HIPK2: variants seen among roughly 807,000 people sequenced by gnomAD.
HIPK2 encodes the protein homeodomain interacting protein kinase 2, also known as homeodomain-interacting protein kinase 2.
Under a neutral mutation model 113.7 loss-of-function variants are expected in HIPK2, and 27 were observed. The observed-to-expected ratio is 0.24, with a 90% CI of 0.17 to 0.33. The LOEUF (loss-of-function observed/expected upper bound fraction) is 0.33, where lower values mean the gene tolerates loss of function less well. Among genes scored for constraint, HIPK2 ranks in the 10% least tolerant of loss-of-function variants. The pLI is 1.00. For missense variants in HIPK2, 1,257 were observed against 1,588.0 expected (o/e 0.79, Z 3.54); for synonymous variants, 631 against 642.2 (o/e 0.98, Z 0.26).
At chr7:139,692,918 C>T (rs1794450547) in intron 2 of HIPK2, among the ~76,000 whole-genome samples, 1 of 152,224 alleles carries the variant, frequency 6.6e-6, no homozygotes, top group Non-Finnish European at 1.5e-5. Flanking sequence ...CGTTTGGTTC[C>T]TATGCCAATA....
At chr7:139,743,845 C>T (rs991834251) in intron 1 of HIPK2, among the ~76,000 whole-genome samples, 2 of 152,148 alleles carry the variant, frequency 1.3e-5, no homozygotes, top group Non-Finnish European at 2.9e-5. Context: ...CTGCGAGAGA[C>T]CTGGAATGAG....
At chr7:139,620,889 C>G (rs919674593) in intron 6 of HIPK2, among the ~76,000 whole-genome samples, 1 of 152,220 alleles carries the variant, frequency 6.6e-6, no homozygotes, top group African/African-American at 2.4e-5. Flanking sequence ...ATTCTCAACT[C>G]TCAGCCTGGT....
chr7:139,680,385 C>G (rs766745267), intron 2 of HIPK2, among the ~76,000 whole-genome samples: 2 of 152,214 alleles, frequency 1.3e-5, no homozygotes, highest in Non-Finnish European at 2.9e-5. Context: ...GGGTGAACAA[C>G]CCAGACAAGC....
In HIPK2 at chr7:139,567,910, A is replaced by G. The variant is rs7801135; in HGVS notation, c.*5017T>C. The G allele has an allele frequency of 0.19, 28,623 of 152,332 alleles. 4,617 individuals carry two copies. The highest frequency in any genetic ancestry group is 0.44 in the African/African-American group (18,064 of 41,496). 9.4% of individuals were successfully genotyped at this position (152,332 alleles called of 1,614,324 possible). ...GCATCAGACAAAGAGAACCTGGGAC[A>G]AAAGCTGGGGCGAGCTGGGTCCCCA... On this transcript the variant is annotated 3_prime_UTR_variant, in exon 15 of 15. Transcript: ENST00000406875.
chr7:139,585,999 G>A (rs1398391741), intron 12 of HIPK2, among the ~76,000 whole-genome samples: 1 of 152,120 alleles, frequency 6.6e-6, no homozygotes, highest in Non-Finnish European at 1.5e-5. Flanking sequence ...GTGGAGGACT[G>A]TATAACAACA....
intron 1 of HIPK2, among the ~76,000 whole-genome samples, chr7:139,729,397 T>G (rs1235712672): frequency 7.4e-6 from 1 of 135,908 alleles, no homozygotes; most frequent in Non-Finnish European, 1.5e-5. Flanking sequence ...TGGGAGTGGC[T>G]TATTAATAAC....
chr7:139,773,956 C>T (rs1352151212), intron 1 of HIPK2, among the ~76,000 whole-genome samples: 1 of 152,174 alleles, frequency 6.6e-6, no homozygotes, highest in African/African-American at 2.4e-5. Flanking sequence ...TCAAGTAGCA[C>T]AGAAAGTGCC....
At chr7:139,723,446 G>A (rs952030013) in intron 1 of HIPK2, among the ~76,000 whole-genome samples, 2 of 152,002 alleles carry the variant, frequency 1.3e-5, no homozygotes, top group Non-Finnish European at 2.9e-5. Context: ...CACCTGCCTC[G>A]GCTTCCCAAA....
intron 1 of HIPK2, among the ~76,000 whole-genome samples, chr7:139,758,678 G>A (rs572710912): frequency 1.3e-5 from 2 of 152,220 alleles, no homozygotes; most frequent in African/African-American, 4.8e-5. Flanking sequence ...CAGATTGTGC[G>A]CTCATTATGA....
chr7:139,583,672 G>C, intron 13 of HIPK2, 145 bp downstream of exon 13: 3 of 1,245,586 alleles, frequency 2.4e-6, no homozygotes, highest in African/African-American at 1.5e-5. Flanking sequence ...CTGGATACTT[G>C]AATAAAATCC....
chr7:139,618,316 A>G (rs1390893388), intron 7 of HIPK2, among the ~76,000 whole-genome samples: 1 of 151,806 alleles, frequency 6.6e-6, no homozygotes, highest in African/African-American at 2.4e-5. Context: ...GCTTAAGGCT[A>G]GGTGTGTCCT....
intron 12 of HIPK2, among the ~76,000 whole-genome samples, chr7:139,587,067 C>G (rs541673314): frequency 3.2e-4 from 49 of 152,200 alleles, no homozygotes; most frequent in African/African-American, 1.1e-3. Context: ...TGAATTTACA[C>G]TTAAAAATGG....
chr7:139,741,613 A>G (rs1192752426), intron 1 of HIPK2, among the ~76,000 whole-genome samples: 2 of 152,140 alleles, frequency 1.3e-5, no homozygotes, highest in African/African-American at 4.8e-5. Flanking sequence ...CTGTTCCCTC[A>G]GCCCCCATTA....
intron 2 of HIPK2, among the ~76,000 whole-genome samples, chr7:139,664,954 G>A (rs547524984): frequency 1.1e-4 from 16 of 152,064 alleles, no homozygotes; most frequent in African/African-American, 3.9e-4. Context: ...AATACAGAGT[G>A]TCTCTAACAC....
chr7:139,719,253 T>G (rs1795338023), intron 1 of HIPK2, among the ~76,000 whole-genome samples: 1 of 152,044 alleles, frequency 6.6e-6, no homozygotes, highest in Non-Finnish European at 1.5e-5. Context: ...ACTACAGGTG[T>G]GCGCCACCAC....
At chr7:139,641,994 A>G (rs955183568) in intron 2 of HIPK2, among the ~76,000 whole-genome samples, 19 of 152,236 alleles carry the variant, frequency 1.2e-4, no homozygotes, top group Non-Finnish European at 2.5e-4. Context: ...CAGCTTATGA[A>G]GATAAATTAT....
chr7:139,619,265 TCACATTTCAGGTACACA>T (rs1375289455), intron 7 of HIPK2, among the ~76,000 whole-genome samples: 1 of 152,132 alleles, frequency 6.6e-6, no homozygotes, highest in Non-Finnish European at 1.5e-5. Context: ...CATAAGGTAT[TCACATTTCAGGTACACA>T]CACATCCACA....
At chr7:139,583,099 G>A (rs1416904538) in intron 13 of HIPK2, among the ~76,000 whole-genome samples, 5 of 152,228 alleles carry the variant, frequency 3.3e-5, no homozygotes, top group South Asian at 2.1e-4. Flanking sequence ...GGTTTGTGGC[G>A]GAATAGCGGG....
rs939208691 is a variant in HIPK2, at chr7:139,569,327, T to C, written c.*3600A>G. 2.0e-5 allele frequency: 3 copies of C among 152,174 alleles called. No individual in the cohort carries two copies. The highest frequency in any genetic ancestry group is 3.9e-4 in the East Asian group (2 of 5,186). The allele number at this position is 152,174 out of a possible 1,614,324, so 9.4% of individuals were successfully genotyped here. On this transcript the variant is annotated 3_prime_UTR_variant, in exon 15 of 15. Coordinates refer to ENST00000406875, the MANE Select transcript of HIPK2 (RefSeq NM_022740.5). ...CTGGGAGGGGGCAAATGTCCCTGCA[T>C]TGAAGAACCTAAGCCACGCCCCAGG...
Sources: gnomAD v4.1 joint callset for allele counts (sites outside exome capture counted in the v4.1 genomes callset) on GRCh38, gnomAD v4.1.1 for gene constraint, MANE v1.5 for transcripts, NCBI Gene and HGNC (gene_info 2026-07-23, HGNC 2026-07-21) for gene names.